The following ARID1B variants were observed in gnomAD, a reference collection of about 807,000 sequenced individuals.
ARID1B encodes the protein AT-rich interactive domain-containing protein 1B.
In ARID1B, 30 loss-of-function variants were observed where a neutral mutation model predicts 212.3. That is an observed-to-expected ratio of 0.14 (90% CI 0.11 to 0.19). The LOEUF is 0.19. Among genes scored for constraint, ARID1B ranks in the 10% least tolerant of loss-of-function variants. ARID1B has a pLI of 1.00. For synonymous variants in ARID1B, 1,402 were observed against 1,301.7 expected, an observed-to-expected ratio of 1.08 and a Z score of -1.66; for missense variants, 2,891 against 3,204.0, an observed-to-expected ratio of 0.90 and a Z score of 2.36.
chr6:157,073,650 G>T (rs1784123073), intron 4 of ARID1B, among the ~76,000 whole-genome samples: 1 of 152,150 alleles, frequency 6.6e-6, no homozygotes. Flanking sequence ...TATTTGGGGG[G>T]TGGTGAAATT....
intron 5 of ARID1B, among the ~76,000 whole-genome samples, chr6:157,110,092 G>A (rs375768871): frequency 2.6e-5 from 4 of 152,214 alleles, no homozygotes; most frequent in African/African-American, 9.6e-5. Context: ...GTAATTGTTG[G>A]CCACTCTGCA....
intron 4 of ARID1B, among the ~76,000 whole-genome samples, chr6:157,021,207 G>A (rs1780224382): frequency 6.6e-6 from 1 of 152,234 alleles, no homozygotes; most frequent in Non-Finnish European, 1.5e-5. Context: ...CTCACTGCGC[G>A]TCCACACCTC....
chr6:156,796,326 C>T (rs1479546960), intron 1 of ARID1B, among the ~76,000 whole-genome samples: 1 of 151,178 alleles, frequency 6.6e-6, no homozygotes, highest in African/African-American at 2.4e-5. Context: ...TAAGAGCCCA[C>T]AGGAAGAAAA....
chr6:157,086,400 G>C (rs1784970068), intron 5 of ARID1B, among the ~76,000 whole-genome samples: 1 of 152,182 alleles, frequency 6.6e-6, no homozygotes, highest in African/African-American at 2.4e-5. Flanking sequence ...GTAGTCTAGA[G>C]TTTTTAAGAC....
At chr6:157,095,854 A>AG (rs927697174) in intron 5 of ARID1B, among the ~76,000 whole-genome samples, 1 of 151,234 alleles carries the variant, frequency 6.6e-6, no homozygotes, top group African/African-American at 2.4e-5. Flanking sequence ...AAAAAAGGCA[A>AG]AAAAAAGTAT....
intron 4 of ARID1B, among the ~76,000 whole-genome samples, chr6:157,043,705 C>A (rs1408492445): frequency 1.3e-5 from 2 of 152,146 alleles, no homozygotes; most frequent in Non-Finnish European, 2.9e-5. Flanking sequence ...GATTTCCTTG[C>A]CGATTCTCCT....
chr6:157,177,365 C>A (rs1215855134), intron 11 of ARID1B, among the ~76,000 whole-genome samples: 1 of 152,176 alleles, frequency 6.6e-6, no homozygotes, highest in African/African-American at 2.4e-5. Context: ...CAAATCACTG[C>A]AAATACATGC....
intron 5 of ARID1B, among the ~76,000 whole-genome samples, chr6:157,086,113 A>G (rs1274825962): frequency 6.6e-6 from 1 of 152,230 alleles, no homozygotes; most frequent in Non-Finnish European, 1.5e-5. Flanking sequence ...GGCTACTATT[A>G]ACAATTACAG....
chr6:157,008,595 G>A (rs779398925), intron 4 of ARID1B, among the ~76,000 whole-genome samples: 11 of 152,154 alleles, frequency 7.2e-5, no homozygotes, highest in Admixed American at 4.6e-4. Flanking sequence ...CTGTGATTGC[G>A]ATTTTTCATT....
Position 157,200,417 on chromosome 6 carries a change from C to T in ARID1B, c.4480-288C>T, listed in dbSNP as rs146035049. Among the ~76,000 whole-genome samples, 2,393 of 152,026 alleles carry T rather than the reference C, an allele frequency of 0.016. 58 individuals are homozygous for T. Among genetic ancestry groups the T allele is most frequent in the African/African-American group, 0.053 (2,215 of 41,454 alleles). ...GCCGTCTGCCTGTGTGGGAGTTGAA[C>T]GCTGGCTGTCCCGGTGGCACAGCCT... On this transcript the variant is annotated intron_variant, in intron 17 of 19. Transcript: ENST00000636930. The surrounding 1 kb of genome is among the most constrained non-coding windows in gnomAD (Gnocchi z 4.3).
At chr6:157,038,611 A>G (rs1781489814) in intron 4 of ARID1B, among the ~76,000 whole-genome samples, 1 of 152,200 alleles carries the variant, frequency 6.6e-6, no homozygotes, top group Non-Finnish European at 1.5e-5. Context: ...TTACTAAAAG[A>G]AATTATTCTA....
In ARID1B at chr6:157,039,326, T is replaced by G. The variant is rs866510388; in HGVS notation, c.2248-45336T>G. On this transcript the variant is annotated intron_variant, in intron 4 of 19. Coordinates refer to ENST00000636930, the MANE Select transcript of ARID1B (RefSeq NM_001374828.1). ...AAAATGGGAAATTTGACATTTCTTTTTTTTTTTTTTTTTTTGAGACGGAGT... is the reference window on the plus strand; with the variant it reads ...AAAATGGGAAATTTGACATTTCTTTGTTTTTTTTTTTTTTTGAGACGGAGT... Among the ~76,000 whole-genome samples the G allele has an allele frequency of 1.7e-5, 2 of 120,516 alleles. 1 individual carries two copies. 79.1% of individuals were successfully genotyped at this position (120,516 alleles called of 152,430 possible). A position where few individuals can be genotyped will look rare whatever the true frequency, so the allele number is the denominator to read the frequency against.
intron 5 of ARID1B, among the ~76,000 whole-genome samples, chr6:157,088,303 G>A (rs976741994): frequency 6.6e-6 from 1 of 152,164 alleles, no homozygotes; most frequent in Admixed American, 6.5e-5. Flanking sequence ...CATGGCTTGA[G>A]TCCAGGTATT....
At chr6:156,880,190 T>C (rs1786929556) in intron 2 of ARID1B, among the ~76,000 whole-genome samples, 1 of 151,916 alleles carries the variant, frequency 6.6e-6, no homozygotes, top group African/African-American at 2.4e-5. Flanking sequence ...AGTCGTTTAG[T>C]AGAGCGGGTC....
At chr6:157,091,377 C>G (rs919640734) in intron 5 of ARID1B, among the ~76,000 whole-genome samples, 1 of 152,176 alleles carries the variant, frequency 6.6e-6, no homozygotes, top group Non-Finnish European at 1.5e-5. Flanking sequence ...CACCCAGTCC[C>G]ACCCTTCAGC....
chr6:157,039,674 C>CTTCTTTCTTTCT lies in ARID1B; in HGVS notation c.2248-44985_2248-44984insTTTCTTTCTTTC, dbSNP rs1166401045. Among the ~76,000 whole-genome samples, 53 of 76,996 alleles carry CTTCTTTCTTTCT rather than the reference C, an allele frequency of 6.9e-4. No homozygotes were observed. The East Asian group carries it at 8.2e-3, about 12-fold the overall frequency. The allele number at this position is 76,996 out of a possible 152,430, so 50.5% of individuals were successfully genotyped here. The stretch of plus-strand genomic sequence containing the variant: ...CCTTCCTTCCTTCCTTCCTTCCTTC[C>CTTCTTTCTTTCT]TTCCTTCCTTCCTTCCTTCCTTCTT... On this transcript the variant is annotated intron_variant, in intron 4 of 19. Transcript: ENST00000636930.
intron 4 of ARID1B, among the ~76,000 whole-genome samples, chr6:157,008,605 T>C (rs1222091695): frequency 6.6e-6 from 1 of 152,234 alleles, no homozygotes; most frequent in Non-Finnish European, 1.5e-5. Flanking sequence ...GATTTTTCAT[T>C]ACTGCATTCC....
intron 4 of ARID1B, among the ~76,000 whole-genome samples, chr6:157,020,319 TACAAGTTG>T (rs1215844317): frequency 6.6e-6 from 1 of 152,196 alleles, no homozygotes; most frequent in African/African-American, 2.4e-5. Flanking sequence ...TTTACCCCCA[TACAAGTTG>T]AGCACTCTGT....
rs564182906 is a variant in ARID1B, at chr6:156,877,014, C to T, written c.1987-24362C>T. Reference sequence around the variant, plus strand: ...GGTTCAAGCGATTCTCCTGCCTCAGCCTCCCGGAAATTAAATATTAAGATT... The same window carrying T: ...GGTTCAAGCGATTCTCCTGCCTCAGTCTCCCGGAAATTAAATATTAAGATT... On this transcript the variant is annotated intron_variant, in intron 2 of 19. Coordinates refer to ENST00000636930, the MANE Select transcript of ARID1B (RefSeq NM_001374828.1). Among the ~76,000 whole-genome samples the T allele has an allele frequency of 5.3e-5, 8 of 152,238 alleles. No individual in the cohort carries two copies. In the East Asian group the frequency reaches 1.5e-3, roughly 29 times the overall value.
Sources: gnomAD v4.1 joint callset for allele counts (sites outside exome capture counted in the v4.1 genomes callset) on GRCh38, gnomAD v4.1.1 for gene constraint, Gnocchi (gnomAD v3.1) non-coding constraint, MANE v1.5 for transcripts, NCBI Gene and HGNC (gene_info 2026-07-23, HGNC 2026-07-21) for gene names.